Variants in CHRM3 observed in about 807,000 individuals in gnomAD.
The protein encoded by CHRM3 is muscarinic acetylcholine receptor M3.
A neutral mutation model predicts 41.8 loss-of-function variants in CHRM3; 11 were observed. That is an observed-to-expected ratio of 0.26 (90% CI 0.17 to 0.44). CHRM3 has a LOEUF of 0.44. Ranked by LOEUF, CHRM3 falls within the 20% of genes least tolerant of loss-of-function variation. The probability of loss-of-function intolerance (pLI) is 1.00; values close to 1 mark genes in which losing one functional copy is unlikely to be tolerated. For synonymous variants in CHRM3, 297 were observed against 301.4 expected, an observed-to-expected ratio of 0.99 and a Z score of 0.15; for missense variants, 571 against 745.4, an observed-to-expected ratio of 0.77 and a Z score of 2.72.
chr1:239,668,240 A>T (rs1207534504), intron 4 of CHRM3, among the ~76,000 whole-genome samples: 1 of 151,622 alleles, frequency 6.6e-6, no homozygotes, highest in Admixed American at 6.6e-5. Flanking sequence ...CTGGGATTAC[A>T]GGCTTGAACT....
At chr1:239,591,788 G>C (rs1366647870) in intron 3 of CHRM3, among the ~76,000 whole-genome samples, 1 of 152,150 alleles carries the variant, frequency 6.6e-6, no homozygotes, top group Non-Finnish European at 1.5e-5. Context: ...AAGTTTTATC[G>C]AAGTAGCTGA....
chr1:239,408,535 A>C (rs918732996), intron 1 of CHRM3, among the ~76,000 whole-genome samples: 4 of 136,258 alleles, frequency 2.9e-5, no homozygotes, highest in African/African-American at 7.8e-5. Context: ...AAAAAAAAAA[A>C]AAAAAAAAAC....
At chr1:239,549,794 A>G (rs1363736337) in intron 3 of CHRM3, among the ~76,000 whole-genome samples, 1 of 152,038 alleles carries the variant, frequency 6.6e-6, no homozygotes, top group Non-Finnish European at 1.5e-5. Context: ...ACAGGGCCAG[A>G]TCATGGATCA....
intron 4 of CHRM3, among the ~76,000 whole-genome samples, chr1:239,643,820 G>A (rs1671475982): frequency 6.6e-6 from 1 of 152,156 alleles, no homozygotes; most frequent in African/African-American, 2.4e-5. Context: ...GATGAACCCG[G>A]GACCTCAGGT....
intron 3 of CHRM3, among the ~76,000 whole-genome samples, chr1:239,629,735 C>T (rs1452818906): frequency 6.6e-6 from 1 of 152,112 alleles, no homozygotes; most frequent in African/African-American, 2.4e-5. Context: ...AATATCCTAC[C>T]TTTTTTTATG....
chr1:239,714,040 C>T (rs746146843), intron 5 of CHRM3: 4 of 152,136 alleles, frequency 2.6e-5, no homozygotes, highest in Non-Finnish European at 5.9e-5. Flanking sequence ...TAGAAGATGT[C>T]TCTCAAGGCC....
intron 5 of CHRM3, among the ~76,000 whole-genome samples, chr1:239,783,993 G>A (rs1668702971): frequency 6.6e-6 from 1 of 152,156 alleles, no homozygotes; most frequent in Admixed American, 6.5e-5. Context: ...AATTCACCGA[G>A]GATAATGGCC....
At chr1:239,753,161 A>G (rs1665969076) in intron 5 of CHRM3, among the ~76,000 whole-genome samples, 1 of 152,206 alleles carries the variant, frequency 6.6e-6, no homozygotes, top group African/African-American at 2.4e-5. Flanking sequence ...TCAAAGAGAT[A>G]AGTACTTAGA....
intron 2 of CHRM3, among the ~76,000 whole-genome samples, chr1:239,516,574 G>C (rs967999030): frequency 6.6e-6 from 1 of 152,270 alleles, no homozygotes; most frequent in South Asian, 2.1e-4. Context: ...GATAGCAGGC[G>C]TTCACAGCCT....
At chr1:239,552,666 A>AATTG in intron 3 of CHRM3, among the ~76,000 whole-genome samples, 1 of 120,898 alleles carries the variant, frequency 8.3e-6, no homozygotes, top group African/African-American at 2.8e-5. Flanking sequence ...ATTATTAATT[A>AATTG]TTTTTGTAGA....
chr1:239,893,396 A>T (rs992285550), intron 6 of CHRM3, among the ~76,000 whole-genome samples: 2 of 152,162 alleles, frequency 1.3e-5, no homozygotes, highest in Admixed American at 6.5e-5. Flanking sequence ...TTCATGGAAG[A>T]TCTGCTTACT....
chr1:239,860,421 T>C (rs1228107787), intron 6 of CHRM3, among the ~76,000 whole-genome samples: 1 of 152,202 alleles, frequency 6.6e-6, no homozygotes, highest in African/African-American at 2.4e-5. Flanking sequence ...ATTATAGATA[T>C]GCTTATCTAT....
chr1:239,411,467 C>T (rs980182314), intron 1 of CHRM3, among the ~76,000 whole-genome samples: 2 of 152,022 alleles, frequency 1.3e-5, no homozygotes, highest in Non-Finnish European at 2.9e-5. Context: ...TGGCTCATGC[C>T]TGTAATCCCA....
At chr1:239,508,949 G>A (rs572239980) in intron 2 of CHRM3, among the ~76,000 whole-genome samples, 1 of 152,304 alleles carries the variant, frequency 6.6e-6, no homozygotes, top group Non-Finnish European at 1.5e-5. Flanking sequence ...ACTAGAAGAA[G>A]CAGGAATTTA....
chr1:239,725,262 A>C (rs1226830392), intron 5 of CHRM3, among the ~76,000 whole-genome samples: 1 of 151,978 alleles, frequency 6.6e-6, no homozygotes, highest in Non-Finnish European at 1.5e-5. Context: ...GGTTAAATTG[A>C]AGCTTGGGAA....
At chr1:239,517,055 C>T (rs1434689085) in intron 2 of CHRM3, among the ~76,000 whole-genome samples, 1 of 152,050 alleles carries the variant, frequency 6.6e-6, no homozygotes, top group South Asian at 2.1e-4. Flanking sequence ...TGTTATAATA[C>T]AATAATAATA....
chr1:239,427,952 A>G (rs1662521397), intron 1 of CHRM3, among the ~76,000 whole-genome samples: 1 of 152,226 alleles, frequency 6.6e-6, no homozygotes, highest in Non-Finnish European at 1.5e-5. Flanking sequence ...TTATTTGCAC[A>G]CATGAGGTTA....
chr1:239,618,132 T>C (rs1003193591), intron 3 of CHRM3, among the ~76,000 whole-genome samples: 2 of 152,048 alleles, frequency 1.3e-5, no homozygotes, highest in Admixed American at 6.6e-5. Flanking sequence ...GTGTGACTTA[T>C]TACGTATTTT....
intron 4 of CHRM3, among the ~76,000 whole-genome samples, chr1:239,652,222 C>T (rs1672309543): frequency 6.6e-6 from 1 of 152,138 alleles, no homozygotes; most frequent in Non-Finnish European, 1.5e-5. Flanking sequence ...CTGTGTCCTG[C>T]AACTCCCTAG....
Sources: allele counts gnomAD v4.1 joint callset (sites outside exome capture counted in the v4.1 genomes callset), GRCh38; gene constraint gnomAD v4.1.1; transcripts MANE v1.5; gene names NCBI Gene and HGNC (gene_info 2026-07-23, HGNC 2026-07-21).